The following PALLD variants were observed in gnomAD, a reference collection of about 807,000 sequenced individuals.
PALLD encodes the protein palladin.
PALLD carries 61 observed loss-of-function variants against 123.5 expected under a neutral mutation model. The observed-to-expected ratio is 0.49, with a 90% CI of 0.40 to 0.61. The LOEUF (loss-of-function observed/expected upper bound fraction) is 0.61. Among genes scored for constraint, PALLD ranks in the 20% least tolerant of loss-of-function variants. The pLI, the probability that PALLD is intolerant of heterozygous loss-of-function variation, is 0.00. For missense variants in PALLD, 1,273 were observed against 1,377.0 expected, an observed-to-expected ratio of 0.92 and a Z score of 1.20; for synonymous variants, 465 against 496.4, an observed-to-expected ratio of 0.94 and a Z score of 0.84.
chr4:168,906,621 G>C (rs971376154), intron 15 of PALLD, among the ~76,000 whole-genome samples: 1 of 151,986 alleles, frequency 6.6e-6, no homozygotes, highest in African/African-American at 2.4e-5. Flanking sequence ...GAATAAAAAA[G>C]AAATTTTTGT....
At chr4:168,500,008 T>C (rs1761229545) in intron 1 of PALLD, among the ~76,000 whole-genome samples, 1 of 152,240 alleles carries the variant, frequency 6.6e-6, no homozygotes, top group Non-Finnish European at 1.5e-5. Flanking sequence ...TGCAGTTAAA[T>C]GCAGGCTTCC....
In PALLD at chr4:168,711,570, CCCTT is replaced by C; in HGVS notation, c.1622-6_1622-3del. ...TCTTCTTATGTTTTTCCTCTCTTTC[CCCTT>C]CCTTAGCCAACACTGAAAACTGTAG... On this transcript the variant is annotated splice_region_variant and splice_polypyrimidine_tract_variant and intron_variant, in intron 9 of 21. Transcript: ENST00000505667. The C allele has an allele frequency of 6.3e-7, 1 of 1,596,904 alleles. No individual in the cohort carries two copies. The highest frequency in any genetic ancestry group is 8.6e-7 in the Non-Finnish European group (1 of 1,164,334).
intron 12 of PALLD, 141 bp from the exon 13 acceptor site, chr4:168,896,408 G>C: frequency 1.6e-6 from 1 of 643,970 alleles, no homozygotes; most frequent in Non-Finnish European, 2.8e-6. Flanking sequence ...GAAGCAGAAT[G>C]GTTGTGTGAG....
intron 2 of PALLD, among the ~76,000 whole-genome samples, chr4:168,667,527 G>C (rs1779771254): frequency 6.6e-6 from 1 of 152,204 alleles, no homozygotes; most frequent in Non-Finnish European, 1.5e-5. Context: ...TGTTCAAACA[G>C]TCTGGCAGCC....
chr4:168,755,137 G>A (rs989777678), intron 10 of PALLD, among the ~76,000 whole-genome samples: 4 of 151,862 alleles, frequency 2.6e-5, no homozygotes, highest in African/African-American at 9.7e-5. Flanking sequence ...GGAGGCTGAG[G>A]CAGGAGAATG....
At chr4:168,845,562 T>G (rs1746716646) in intron 10 of PALLD, among the ~76,000 whole-genome samples, 1 of 152,146 alleles carries the variant, frequency 6.6e-6, no homozygotes, top group Admixed American at 6.5e-5. Flanking sequence ...TACAGGAGGA[T>G]GTATGTAGGT....
intron 10 of PALLD, among the ~76,000 whole-genome samples, chr4:168,736,565 A>G (rs1240678519): frequency 6.6e-6 from 1 of 152,176 alleles, no homozygotes; most frequent in African/African-American, 2.4e-5. Flanking sequence ...TTTTAGTTGC[A>G]AGAAAGGCTG....
At chr4:168,625,812 G>A (rs1315116483) in intron 2 of PALLD, among the ~76,000 whole-genome samples, 1 of 152,064 alleles carries the variant, frequency 6.6e-6, no homozygotes, top group Non-Finnish European at 1.5e-5. Flanking sequence ...GCGCCCTGTT[G>A]GTGGAAATGT....
At chr4:168,500,445 C>T (rs1761280378) in intron 1 of PALLD, among the ~76,000 whole-genome samples, 2 of 152,098 alleles carry the variant, frequency 1.3e-5, no homozygotes, top group Non-Finnish European at 1.5e-5. Flanking sequence ...CTCACTGCAG[C>T]CTAGAACTCT....
At chr4:168,734,549 C>T (rs1483884346) in intron 10 of PALLD, among the ~76,000 whole-genome samples, 1 of 152,200 alleles carries the variant, frequency 6.6e-6, no homozygotes, top group African/African-American at 2.4e-5. Flanking sequence ...GAGCTTCTTT[C>T]AGCTCAAGTG....
At chr4:168,907,504 G>A (rs1265797136) in intron 15 of PALLD, among the ~76,000 whole-genome samples, 2 of 152,212 alleles carry the variant, frequency 1.3e-5, no homozygotes, top group African/African-American at 4.8e-5. Context: ...GGCTTGGGTG[G>A]AGGAGCTGTG....
chr4:168,552,294 C>T (rs948402064), intron 2 of PALLD, among the ~76,000 whole-genome samples: 1 of 152,068 alleles, frequency 6.6e-6, no homozygotes, highest in African/African-American at 2.4e-5. Context: ...AGGGCAGGAA[C>T]CTGGGAAGTT....
chr4:168,664,999 T>G (rs1328389685), intron 2 of PALLD, among the ~76,000 whole-genome samples: 1 of 152,176 alleles, frequency 6.6e-6, no homozygotes, highest in Non-Finnish European at 1.5e-5. Context: ...AGAGACAAAA[T>G]GTCAAGGGTT....
At chr4:168,675,574 C>T (rs1233093655) in intron 3 of PALLD, among the ~76,000 whole-genome samples, 1 of 152,070 alleles carries the variant, frequency 6.6e-6, no homozygotes, top group East Asian at 1.9e-4. Flanking sequence ...TTAAAATAAC[C>T]TTTCATGGTA....
intron 17 of PALLD, among the ~76,000 whole-genome samples, chr4:168,917,236 G>A (rs867480010): frequency 3.3e-5 from 5 of 151,656 alleles, no homozygotes; most frequent in Middle Eastern, 3.4e-3. Flanking sequence ...CTTTAGTACA[G>A]ACGGGGTTTC....
intron 10 of PALLD, among the ~76,000 whole-genome samples, chr4:168,790,292 C>T (rs777323492): frequency 6.6e-6 from 1 of 151,680 alleles, no homozygotes; most frequent in Non-Finnish European, 1.5e-5. Flanking sequence ...CTCCCCAGTA[C>T]CTGGGACTAC....
At chr4:168,717,729 T>G (rs1335076448) in intron 10 of PALLD, among the ~76,000 whole-genome samples, 1 of 152,214 alleles carries the variant, frequency 6.6e-6, no homozygotes, top group Non-Finnish European at 1.5e-5. Context: ...CACATTACAG[T>G]ACTTTTCCAA....
intron 10 of PALLD, among the ~76,000 whole-genome samples, chr4:168,727,644 C>T (rs1462456217): frequency 2.6e-5 from 4 of 152,126 alleles, no homozygotes; most frequent in Non-Finnish European, 5.9e-5. Context: ...AATATTTTCT[C>T]CCATTCTGTA....
At chr4:168,832,066 T>C (rs994814329) in intron 10 of PALLD, 4 of 984,678 alleles carry the variant, frequency 4.1e-6, no homozygotes, top group African/African-American at 3.5e-5. Flanking sequence ...GGGCGAGGTA[T>C]AAAGCCCGAT....
Sources: gnomAD v4.1 joint callset for allele counts (sites outside exome capture counted in the v4.1 genomes callset) on GRCh38, gnomAD v4.1.1 for gene constraint, MANE v1.5 for transcripts, NCBI Gene and HGNC (gene_info 2026-07-23, HGNC 2026-07-21) for gene names.